MARCHF1: variants seen among roughly 807,000 people sequenced by gnomAD.
MARCHF1 encodes the protein E3 ubiquitin-protein ligase MARCHF1.
In MARCHF1, 40 loss-of-function variants were observed where a neutral mutation model predicts 54.2. The ratio of observed to expected loss-of-function variants is 0.74; its 90% CI spans 0.57 to 0.96. MARCHF1 has a LOEUF of 0.96. MARCHF1 is among the 40% of genes least tolerant of loss of function. The pLI is 0.00. For synonymous variants in MARCHF1, 236 were observed against 236.3 expected (o/e 1.00, Z 0.01); for missense variants, 586 against 656.5 (o/e 0.89, Z 1.17).
At chr4:163,662,413 T>C (rs1743373269) in intron 5 of MARCHF1, among the ~76,000 whole-genome samples, 1 of 152,014 alleles carries the variant, frequency 6.6e-6, no homozygotes, top group African/African-American at 2.4e-5. Context: ...TCTGTTTTCT[T>C]TTTGTCATAC....
In MARCHF1 at chr4:163,528,222, C is replaced by CTGTT. The variant is rs1234870770; in HGVS notation, c.*522_*525dup. 5 of 153,086 alleles carry CTGTT rather than the reference C, an allele frequency of 3.3e-5. No individual in the cohort carries two copies. The highest frequency in any genetic ancestry group is 2.1e-4 in the South Asian group (1 of 4,852). The allele number at this position is 153,086 out of a possible 1,614,324, so 9.5% of individuals were successfully genotyped here. ...CCAGACTCCACTAAACCATACAAAT[C>CTGTT]TGTTAGCTGTCAAAGCATATCAAAA... is the stretch of plus-strand genomic sequence containing the variant. On this transcript the variant is annotated 3_prime_UTR_variant, in exon 10 of 10. Transcript: ENST00000514618.
At chr4:163,823,278 T>C (rs1748750071) in intron 4 of MARCHF1, among the ~76,000 whole-genome samples, 1 of 151,800 alleles carries the variant, frequency 6.6e-6, no homozygotes, top group East Asian at 1.9e-4. Flanking sequence ...AAGGAAGCTA[T>C]AGATGAAAAA....
chr4:163,763,120 T>C (rs761130394), intron 4 of MARCHF1, among the ~76,000 whole-genome samples: 2 of 152,082 alleles, frequency 1.3e-5, no homozygotes, highest in Non-Finnish European at 2.9e-5. Context: ...TCAGTCAGGA[T>C]GCAATTATTT....
intron 3 of MARCHF1, among the ~76,000 whole-genome samples, chr4:163,867,844 A>T (rs115924523): frequency 0.021 from 1,977 of 94,412 alleles, 48 homozygotes; most frequent in African/African-American, 0.071. Context: ...TGAGAAGCTT[A>T]TTCTTCGGGT....
rs139311790 is a variant in MARCHF1 at position 163,932,614 on chromosome 4, G to A, written c.-39+55887C>T. On this transcript the variant is annotated intron_variant, in intron 3 of 9. Transcript: ENST00000514618. ...TGCATGAAGGCCATGACCAAGCAGG[G>A]CACCGAGCTGTCCTATGAGGAGTGC... 632 of 411,350 alleles carry A rather than the reference G, an allele frequency of 1.5e-3. 5 individuals carry two copies. Among genetic ancestry groups the A allele is most frequent in the African/African-American group, 0.012 (575 of 48,772 alleles). 25.5% of individuals were successfully genotyped at this position (411,350 alleles called of 1,614,324 possible).
intron 3 of MARCHF1, among the ~76,000 whole-genome samples, chr4:163,912,733 G>T (rs1751221502): frequency 6.6e-6 from 1 of 152,100 alleles, no homozygotes; most frequent in Non-Finnish European, 1.5e-5. Flanking sequence ...CATATACCGT[G>T]GCTGCATAAG....
chr4:164,360,265 GTGGC>G (rs1246529774), intron 1 of MARCHF1, among the ~76,000 whole-genome samples: 1 of 152,058 alleles, frequency 6.6e-6, no homozygotes, highest in African/African-American at 2.4e-5. Context: ...GATACTGCAG[GTGGC>G]TATCTTGCGA....
chr4:163,954,108 A>G (rs541379116), intron 3 of MARCHF1, among the ~76,000 whole-genome samples: 2 of 152,314 alleles, frequency 1.3e-5, no homozygotes, highest in East Asian at 3.9e-4. Flanking sequence ...TTAATACATA[A>G]AGAAATAACT....
Position 163,779,639 on chromosome 4 carries a change from A to G in MARCHF1, c.111+74382T>C, listed in dbSNP as rs189784793. ...CCATAACCAACAGTCCAGAAAAAAA[A>G]AGTGATGGGCTTCATAGAACTTAGG... On this transcript the variant is annotated intron_variant, in intron 4 of 9. Transcript: ENST00000514618. Among the ~76,000 whole-genome samples, 14 of 152,332 alleles carry G rather than the reference A, an allele frequency of 9.2e-5. No homozygotes were observed. The East Asian group carries it at 2.7e-3, about 29-fold the overall frequency.
chr4:163,717,243 G>A (rs28685041), intron 4 of MARCHF1, among the ~76,000 whole-genome samples: 3,629 of 147,400 alleles, frequency 0.025, 145 homozygotes, highest in African/African-American at 0.084. Context: ...GAGAACATGC[G>A]GTGTTTGGTT....
intron 4 of MARCHF1, among the ~76,000 whole-genome samples, chr4:163,833,264 C>A (rs1325590066): frequency 6.6e-6 from 1 of 152,150 alleles, no homozygotes; most frequent in Non-Finnish European, 1.5e-5. Context: ...TGTTTCCTGA[C>A]TTTTTAATGA....
chr4:163,711,417 G>A (rs779464667), intron 4 of MARCHF1, among the ~76,000 whole-genome samples: 9 of 152,002 alleles, frequency 5.9e-5, no homozygotes, highest in Non-Finnish European at 1.2e-4. Flanking sequence ...CCACCAGTCC[G>A]TGTAGATCCA....
At chr4:164,064,546 T>A (rs1449007095) in intron 2 of MARCHF1, among the ~76,000 whole-genome samples, 1 of 152,238 alleles carries the variant, frequency 6.6e-6, no homozygotes, top group African/African-American at 2.4e-5. Flanking sequence ...TAAGAAGCTT[T>A]TGGGCTTAGA....
Position 163,842,007 on chromosome 4 carries a change from C to T in MARCHF1, c.111+12014G>A, listed in dbSNP as rs1010812050. 7.2e-5 allele frequency among the ~76,000 whole-genome samples: 11 copies of T among 151,994 alleles called. No homozygotes were observed. In the East Asian group the frequency reaches 7.7e-4, roughly 11 times the overall value. On this transcript the variant is annotated intron_variant, in intron 4 of 9. Coordinates refer to ENST00000514618, the MANE Select transcript of MARCHF1 (RefSeq NM_001394959.1). ...CTATGGTGATATAAAAATAATTTAA[C>T]GGGCCATCAACTAAGAGGTGGCTTT...
chr4:164,155,012 C>T lies in MARCHF1; in HGVS notation c.-322-43350G>A, dbSNP rs72985878. ...AGCTAATTCTCCGACTGTCCCCAGCCAAACTCCTCCTAACATTCCTTTTCT... is the reference window on the plus strand; with the variant it reads ...AGCTAATTCTCCGACTGTCCCCAGCTAAACTCCTCCTAACATTCCTTTTCT... On this transcript the variant is annotated intron_variant, in intron 1 of 9. Transcript: ENST00000514618. Among the ~76,000 whole-genome samples, 833 of 152,274 alleles carry T rather than the reference C, an allele frequency of 5.5e-3. 10 individuals carry two copies. The highest frequency in any genetic ancestry group is 0.019 in the African/African-American group (808 of 41,552).
intron 3 of MARCHF1, among the ~76,000 whole-genome samples, chr4:163,955,926 A>T (rs1752224538): frequency 6.6e-6 from 1 of 152,158 alleles, no homozygotes; most frequent in Admixed American, 6.6e-5. Context: ...ATTGTCGCAA[A>T]TAGAAAGGGA....
intron 2 of MARCHF1, among the ~76,000 whole-genome samples, chr4:164,025,945 C>T (rs187363658): frequency 2.6e-5 from 4 of 152,128 alleles, no homozygotes; most frequent in Non-Finnish European, 5.9e-5. Flanking sequence ...GTGAATAACT[C>T]TAGGCACAAC....
intron 7 of MARCHF1, among the ~76,000 whole-genome samples, chr4:163,596,682 G>A (rs1461772096): frequency 6.6e-6 from 1 of 151,896 alleles, no homozygotes; most frequent in East Asian, 1.9e-4. Context: ...CAGTAGTCTT[G>A]AAAAGGATAA....
chr4:163,563,269 A>G (rs1387952643), intron 8 of MARCHF1, among the ~76,000 whole-genome samples: 2 of 152,210 alleles, frequency 1.3e-5, no homozygotes, highest in Non-Finnish European at 2.9e-5. Flanking sequence ...TCTGTGGTGG[A>G]CATCCTATTA....
Sources: allele counts gnomAD v4.1 joint callset (sites outside exome capture counted in the v4.1 genomes callset), GRCh38; gene constraint gnomAD v4.1.1; transcripts MANE v1.5; gene names NCBI Gene and HGNC (gene_info 2026-07-23, HGNC 2026-07-21).